Variants in TFRC observed in about 807,000 individuals in gnomAD.
The protein encoded by TFRC is transferrin receptor protein 1.
Under a neutral mutation model 85.8 loss-of-function variants are expected in TFRC, and 35 were observed. That is an observed-to-expected ratio of 0.41 (90% CI 0.31 to 0.54). The LOEUF is 0.54. TFRC is among the 20% of genes least tolerant of loss of function. The pLI, the probability that TFRC is intolerant of heterozygous loss-of-function variation, is 0.31. For missense variants in TFRC, 828 were observed against 921.5 expected (o/e 0.90, Z 1.31); for synonymous variants, 362 against 328.6 (o/e 1.10, Z -1.10).
rs1484361443 is a variant in TFRC at position 196,049,669 on chromosome 3, A to G, written c.*2273T>C. The G allele has an allele frequency of 4.4e-6, 1 of 228,822 alleles. No individual in the cohort carries two copies. The highest frequency in any genetic ancestry group is 2.2e-5 in the African/African-American group (1 of 45,100). The allele number at this position is 228,822 out of a possible 1,614,324, so 14.2% of individuals were successfully genotyped here. On this transcript the variant is annotated 3_prime_UTR_variant, in exon 19 of 19. Transcript: ENST00000360110. The stretch of plus-strand genomic sequence containing the variant: ...CACTGCTGCAAAATGCATGCCCTGT[A>G]TTCATATTGTGTTATACGATGAACA...
At chr3:196,069,674 T>A in intron 6 of TFRC, 106 bp from the exon 7 acceptor site, 1 of 643,910 alleles carries the variant, frequency 1.6e-6, no homozygotes, top group Non-Finnish European at 2.6e-6. Context: ...GCAACCCAAG[T>A]AAGAGATAAA....
In TFRC at chr3:196,068,061, C is replaced by T; in HGVS notation, c.871G>A (p.Val291Ile). The T allele has an allele frequency of 6.2e-7, 1 of 1,613,148 alleles. No homozygotes were observed. The highest frequency in any genetic ancestry group is 8.5e-7 in the Non-Finnish European group (1 of 1,179,746). The change falls in exon 8 of 19, where the codon GTT (valine) becomes ATT (isoleucine). Residue 291 changes from valine to isoleucine, a missense_variant. By Grantham distance (29) the Val-to-Ile change is conservative (BLOSUM62 3). Coordinates refer to ENST00000360110, the MANE Select transcript of TFRC (RefSeq NM_001128148.3). ...CCAAAGAATGAAAGTTCTGCGTTAA[C>T]AATGGGAAATTTAGTCTGGTCCATG... ...IYMDQTKFPI[V>I]NAELSFFGHA... is the part of the protein sequence containing the mutation.
intron 18 of TFRC, 114 bp downstream of exon 18, chr3:196,053,304 C>A (rs1716496833): frequency 5.1e-6 from 6 of 1,166,996 alleles, no homozygotes; most frequent in Non-Finnish European, 6.2e-6. Flanking sequence ...ACCATTAATG[C>A]TCCCTTCTTA....
intron 2 of TFRC, among the ~76,000 whole-genome samples, chr3:196,076,797 T>A (rs763250632): frequency 1.1e-4 from 16 of 152,096 alleles, no homozygotes; most frequent in Non-Finnish European, 2.2e-4. Flanking sequence ...AACATTTTGA[T>A]CAGGGCTTTA....
Position 196,072,048 on chromosome 3 carries a change from T to C in TFRC, c.539A>G (p.Lys180Arg). Residue 180 changes from lysine (K) to arginine (R), a missense_variant, in exon 5 of 19, where the codon AAA becomes AGA. Physicochemically the swap from Lys to Arg is conservative, Grantham distance 26. Transcript: ENST00000360110. ...AACAAAATGTTGATCACGCCAGACTTTGCTGAGTTTAAATTCACGAAATTG... is the reference window on the plus strand; with the variant it reads ...AACAAAATGTTGATCACGCCAGACTCTGCTGAGTTTAAATTCACGAAATTG... ...ENQFREFKLS[K>R]VWRDQHFVKI... The C allele has an allele frequency of 3.7e-6, 6 of 1,614,208 alleles. No individual in the cohort carries two copies. Among genetic ancestry groups the C allele is most frequent in the African/African-American group, 1.3e-5 (1 of 75,066 alleles).
chr3:196,078,398 C>A (rs1718886347), intron 1 of TFRC, among the ~76,000 whole-genome samples: 1 of 152,158 alleles, frequency 6.6e-6, no homozygotes, highest in Non-Finnish European at 1.5e-5. Flanking sequence ...GTGGCTCATG[C>A]CTGTAATCCC....
intron 10 of TFRC, 98 bp from the exon 11 acceptor site, chr3:196,064,526 T>G: frequency 8.8e-7 from 1 of 1,135,934 alleles, no homozygotes; most frequent in Non-Finnish European, 1.2e-6. Flanking sequence ...GCACAGTATA[T>G]GTATTAAGGA....
At chr3:196,066,342 C>T (rs2108647730) in intron 9 of TFRC, among the ~76,000 whole-genome samples, 1 of 152,172 alleles carries the variant, frequency 6.6e-6, no homozygotes, top group South Asian at 2.1e-4. Flanking sequence ...CCTGTAATCC[C>T]AGCACTTTGG....
At chr3:196,067,760 A>T (rs1717857851) in intron 8 of TFRC, 103 bp from the exon 9 acceptor site, 2 of 1,349,898 alleles carry the variant, frequency 1.5e-6, no homozygotes, top group South Asian at 1.5e-5. Flanking sequence ...TAGTTTACCA[A>T]CTTGAAGCCT....
Position 196,058,321 on chromosome 3 carries a change from T to C in TFRC, c.1640A>G (p.Tyr547Cys), listed in dbSNP as rs1227941848. 1 of 1,613,912 alleles carries C rather than the reference T, an allele frequency of 6.2e-7. No homozygotes were observed. Among genetic ancestry groups the C allele is most frequent in the African/African-American group, 1.3e-5 (1 of 74,910 alleles). The change falls in exon 16 of 19, where the codon TAT becomes TGT. Residue 547 changes from tyrosine (Y) to cysteine (C), a missense_variant. Coordinates refer to ENST00000360110, the MANE Select transcript of TFRC (RefSeq NM_001128148.3). ...LDNAAFPFLA[Y>C]SGIPAVSFCF... ...GAAAGAAACTGCTGGGATTCCAGAA[T>C]ATGCAAGGAAAGGGAAAGCAGCATT... is the stretch of plus-strand genomic sequence containing the variant.
intron 8 of TFRC, 35 bp downstream of exon 8, chr3:196,067,997 A>G (rs781178441): frequency 6.5e-7 from 1 of 1,550,286 alleles, no homozygotes; most frequent in Non-Finnish European, 8.9e-7. Flanking sequence ...AACTCAAGGA[A>G]CTCAAAACGG....
Position 196,060,192 on chromosome 3 carries a change from T to C in TFRC, c.1524A>G (p.Lys508=). The change falls in exon 14 of 19, where the codon AAA becomes AAG. Residue 508 remains lysine (K), a synonymous_variant. Transcript: ENST00000360110. ...GGTATATACTCACATTTTGCATTGTTTTCTCAATAAGCGTATACAACAGTG... is the reference window on the plus strand; with the variant it reads ...GGTATATACTCACATTTTGCATTGTCTTCTCAATAAGCGTATACAACAGTG... ...ASPLLYTLIE[K]TMQNVKHPVT... is the part of the protein sequence containing the mutation. 1 of 1,613,684 alleles carries C rather than the reference T, an allele frequency of 6.2e-7. No homozygotes were observed.
At chr3:196,056,046 T>A (rs1307886629) in intron 16 of TFRC, among the ~76,000 whole-genome samples, 1 of 147,630 alleles carries the variant, frequency 6.8e-6, no homozygotes, top group African/African-American at 2.5e-5. Flanking sequence ...CATGGCTCCC[T>A]GCAGCCTTGA....
In TFRC at chr3:196,067,635, G is replaced by A; in HGVS notation, c.923C>T (p.Pro308Leu). The A allele has an allele frequency of 2.5e-6, 4 of 1,613,966 alleles. No individual in the cohort carries two copies. Among genetic ancestry groups the A allele is most frequent in the Non-Finnish European group, 3.4e-6 (4 of 1,179,956 alleles). The change falls in exon 9 of 19, where the codon CCT (proline) becomes CTT (leucine). Residue 308 changes from proline (P) to leucine (L), a missense_variant. Pro to Leu is a moderately conservative substitution (Grantham distance 98). Transcript: ENST00000360110. ...FGHAHLGTGD[P>L]YTPGFPSFNH... ...GAAGGAAGGGAATCCAGGTGTGTAA[G>A]GGTCACCTGTCCCCAGATGAGCCTA...
In TFRC at chr3:196,062,653, A is replaced by G. The variant is rs2108643822; in HGVS notation, c.1405-8T>C. 6.2e-7 allele frequency: 1 copy of G among 1,601,634 alleles called. No individual in the cohort carries two copies. Among genetic ancestry groups the G allele is most frequent in the Admixed American group, 1.8e-5 (1 of 56,150 alleles). On this transcript the variant is annotated splice_polypyrimidine_tract_variant and splice_region_variant and intron_variant, in intron 12 of 18. Transcript: ENST00000360110. ...CAGGGACGAAAGGTATCCCTAGAAGAGAAGGGAAAACACTAATAAGTATAA... is the reference window on the plus strand; with the variant it reads ...CAGGGACGAAAGGTATCCCTAGAAGGGAAGGGAAAACACTAATAAGTATAA...
intron 1 of TFRC, among the ~76,000 whole-genome samples, chr3:196,081,501 G>T (rs1719172670): frequency 6.6e-6 from 1 of 152,232 alleles, no homozygotes; most frequent in Admixed American, 6.5e-5. Flanking sequence ...AGGAGCCCAA[G>T]GTCACCCACG....
In TFRC at chr3:196,064,327, A is replaced by G. The variant is rs1320495473; in HGVS notation, c.1300T>C (p.Ser434Pro). The change falls in exon 11 of 19, where the codon TCA (serine) becomes CCA (proline). Residue 434 changes from serine to proline, a missense_variant. By Grantham distance (74) the Ser-to-Pro change is moderately conservative. Transcript: ENST00000360110. ...ALLLKLAQMF[S>P]DMVLKDGFQP... is the part of the protein sequence containing the mutation. ...ACTCTACCTTTTAAGACCATATCTG[A>G]GAACATCTGGGCAAGTTTCAATAGG... is the stretch of plus-strand genomic sequence containing the variant. The G allele has an allele frequency of 6.2e-7, 1 of 1,612,132 alleles. No homozygotes were observed. The highest frequency in any genetic ancestry group is 8.5e-7 in the Non-Finnish European group (1 of 1,179,476).
At chr3:196,058,553 C>A in intron 15 of TFRC, 21 bp downstream of exon 15, 4 of 1,605,112 alleles carry the variant, frequency 2.5e-6, no homozygotes, top group South Asian at 1.1e-5. Context: ...TTAGTTTGTT[C>A]ATTCACTTTT....
intron 16 of TFRC, among the ~76,000 whole-genome samples, chr3:196,056,610 C>T (rs62284053): frequency 0.077 from 11,640 of 152,048 alleles, 565 homozygotes; most frequent in East Asian, 0.17. Flanking sequence ...CCATGTTGGC[C>T]AGGCTGGTCT....
Sources: gnomAD v4.1 joint callset for allele counts (sites outside exome capture counted in the v4.1 genomes callset) on GRCh38, gnomAD v4.1.1 for gene constraint, MANE v1.5 for transcripts, NCBI Gene and HGNC (gene_info 2026-07-23, HGNC 2026-07-21) for gene names.